Variants in IRAG2 observed in about 807,000 individuals in gnomAD.
The protein encoded by IRAG2 is lymphoid restricted membrane protein.
Under a neutral mutation model 69.9 loss-of-function variants are expected in IRAG2, and 45 were observed. The observed-to-expected ratio is 0.64, with a 90% CI of 0.51 to 0.83. IRAG2 has a LOEUF of 0.83. Among genes scored for constraint, IRAG2 ranks in the 40% least tolerant of loss-of-function variants. The pLI is 0.00. For synonymous variants in IRAG2, 193 were observed against 202.4 expected (o/e 0.95, Z 0.40); for missense variants, 520 against 587.0 (o/e 0.89, Z 1.18).
chr12:25,050,761 T>G (rs1374965546), upstream of IRAG2, among the ~76,000 whole-genome samples: 1 of 152,118 alleles, frequency 6.6e-6, no homozygotes, highest in African/African-American at 2.4e-5. Flanking sequence ...TAAAGAAAAT[T>G]TGGTATATAA....
At chr12:25,087,597 A>T (rs859156) in intron 10 of IRAG2, among the ~76,000 whole-genome samples, 17,159 of 152,036 alleles carry the variant, frequency 0.11, 1,072 homozygotes, top group African/African-American at 0.16. Flanking sequence ...CTTCAACTAG[A>T]TTGGAAGCGC....
intron 6 of IRAG2, chr12:25,076,449 A>G: frequency 2.0e-6 from 2 of 982,672 alleles, no homozygotes; most frequent in Non-Finnish European, 2.4e-6. Context: ...TATGTAACAT[A>G]ATGGAGGCAA....
At chr12:25,040,655 G>T (rs531280142) in intron 16 of IRAG2, among the ~76,000 whole-genome samples, 2 of 152,308 alleles carry the variant, frequency 1.3e-5, no homozygotes, top group East Asian at 1.9e-4. Flanking sequence ...GGAAGAGAAG[G>T]TTCCCATTCT....
upstream of IRAG2, among the ~76,000 whole-genome samples, chr12:25,002,004 C>T (rs191116562): frequency 1.2e-3 from 190 of 152,058 alleles, 1 homozygote; most frequent in African/African-American, 4.4e-3. Flanking sequence ...CTCCTGACCT[C>T]GTGATCCACC....
intron 12 of IRAG2, among the ~76,000 whole-genome samples, chr12:25,032,949 T>C (rs1017725724): frequency 1.8e-5 from 2 of 114,224 alleles, no homozygotes; most frequent in African/African-American, 6.1e-5. Context: ...ACTAAGTAAC[T>C]CTTTCTTTCT....
Position 25,063,734 on chromosome 12 carries a change from C to T in IRAG2, c.-289C>T. ...TTTCTGTTCAGAAGCAGTGTTGCCA[C>T]AAACTATATGGTGGTCAAGAAGCAA... On this transcript the variant is annotated 5_prime_UTR_variant, in exon 4 of 22. Coordinates refer to ENST00000556887, the MANE Select transcript of IRAG2 (RefSeq NM_001366544.2). 2.5e-6 allele frequency: 1 copy of T among 398,998 alleles called. No homozygotes were observed. The highest frequency in any genetic ancestry group is 4.4e-6 in the Non-Finnish European group (1 of 226,050). 24.7% of individuals were successfully genotyped at this position (398,998 alleles called of 1,614,324 possible).
At chr12:25,023,956 A>T in intron 8 of IRAG2, 1 of 1,116,714 alleles carries the variant, frequency 9.0e-7, no homozygotes, top group Non-Finnish European at 1.1e-6. Flanking sequence ...GCATAGACAA[A>T]CATGCAAATC....
intron 15 of IRAG2, among the ~76,000 whole-genome samples, chr12:25,100,573 T>A (rs566230325): frequency 2.0e-3 from 301 of 152,268 alleles, no homozygotes; most frequent in Non-Finnish European, 3.5e-3. Context: ...AGGGTGTAAC[T>A]CTGGCTGCCA....
chr12:25,051,249 T>C (rs80188059), upstream of IRAG2, among the ~76,000 whole-genome samples: 1,879 of 152,330 alleles, frequency 0.012, 47 homozygotes, highest in African/African-American at 0.043. Flanking sequence ...GCTTAGGATT[T>C]TGTTTGCTTG....
At chr12:25,023,517 T>C (rs1944599438) in intron 7 of IRAG2, among the ~76,000 whole-genome samples, 1 of 152,222 alleles carries the variant, frequency 6.6e-6, no homozygotes, top group East Asian at 1.9e-4. Flanking sequence ...CAAATAGAAC[T>C]CTAGAGCTCT....
intron 1 of IRAG2, among the ~76,000 whole-genome samples, chr12:25,054,016 G>A (rs1415120162): frequency 3.3e-5 from 5 of 152,120 alleles, no homozygotes; most frequent in Non-Finnish European, 7.4e-5. Context: ...CAGATTGCTT[G>A]AGCCCAGGAG....
chr12:25,061,040 C>T (rs1021139253), intron 1 of IRAG2, among the ~76,000 whole-genome samples: 1 of 152,134 alleles, frequency 6.6e-6, no homozygotes, highest in Non-Finnish European at 1.5e-5. Flanking sequence ...ATGTATCTAT[C>T]AAAGTAAAAT....
intron 16 of IRAG2, among the ~76,000 whole-genome samples, chr12:25,043,610 C>A (rs186973296): frequency 6.6e-6 from 1 of 151,988 alleles, no homozygotes; most frequent in East Asian, 1.9e-4. Context: ...TCTTACCTGT[C>A]TCGGAGTACT....
chr12:25,021,091 C>CTTTTTTTTTTTTTTTTTTTTTTT (rs71063389), intron 7 of IRAG2: 4 of 266,030 alleles, frequency 1.5e-5, no homozygotes, highest in Non-Finnish European at 2.0e-5. Context: ...TCTTTCTTTT[C>CTTTTTTTTTTTTTTTTTTTTTTT]TTTTTTTTTT....
At chr12:25,105,822 T>A (rs1260882825) in intron 20 of IRAG2, among the ~76,000 whole-genome samples, 5 of 152,208 alleles carry the variant, frequency 3.3e-5, no homozygotes, top group Non-Finnish European at 7.4e-5. Flanking sequence ...CTAAAGTCTA[T>A]CATATTTATT....
Position 25,052,961 on chromosome 12 carries a change from G to A in IRAG2, c.-447+5G>A. 5.0e-6 allele frequency: 2 copies of A among 398,550 alleles called. No homozygotes were observed. The highest frequency in any genetic ancestry group is 4.4e-6 in the Non-Finnish European group (1 of 226,022). The allele number at this position is 398,550 out of a possible 1,614,324, so 24.7% of individuals were successfully genotyped here. A position where few individuals can be genotyped will look rare whatever the true frequency, so the allele number is the denominator to read the frequency against. ...AGAAGACAAGGAAACTGAAGAGTGA[G>A]TAGCAAATATTCATTTATGACCCAG... On this transcript the variant is annotated splice_donor_5th_base_variant and intron_variant, in intron 1 of 21. Coordinates refer to ENST00000556887, the MANE Select transcript of IRAG2 (RefSeq NM_001366544.2).
intron 16 of IRAG2, among the ~76,000 whole-genome samples, chr12:25,041,696 G>A (rs1183712802): frequency 2.1e-5 from 3 of 140,096 alleles, no homozygotes; most frequent in Non-Finnish European, 4.6e-5. Context: ...CAGTAGAGAT[G>A]GGGTTTTGCT....
At chr12:25,078,215 C>T (rs774194548) in intron 6 of IRAG2, among the ~76,000 whole-genome samples, 26 of 152,200 alleles carry the variant, frequency 1.7e-4, no homozygotes, top group Non-Finnish European at 3.7e-4. Context: ...TTAAAGGGCT[C>T]TTGTAAATTT....
chr12:25,077,500 G>A (rs1351571581), intron 6 of IRAG2, among the ~76,000 whole-genome samples: 1 of 150,244 alleles, frequency 6.7e-6, no homozygotes, highest in African/African-American at 2.5e-5. Context: ...TACAATTTAA[G>A]GTACAGTTTC....
Sources: gnomAD v4.1 joint callset for allele counts (sites outside exome capture counted in the v4.1 genomes callset) on GRCh38, gnomAD v4.1.1 for gene constraint, MANE v1.5 for transcripts, NCBI Gene and HGNC (gene_info 2026-07-23, HGNC 2026-07-21) for gene names.